TRPC4: variants seen among roughly 807,000 people sequenced by gnomAD.
TRPC4 encodes transient receptor potential cation channel subfamily C member 4.
TRPC4 carries 49 observed loss-of-function variants against 99.4 expected under a neutral mutation model. That is an observed-to-expected ratio of 0.49 (90% confidence interval 0.39 to 0.63). The LOEUF (loss-of-function observed/expected upper bound fraction) is 0.63, where lower values mean the gene tolerates loss of function less well. Ranked by LOEUF, TRPC4 falls within the 20% of genes least tolerant of loss-of-function variation. The pLI, the probability that TRPC4 is intolerant of heterozygous loss-of-function variation, is 0.00. For missense variants in TRPC4, 898 were observed against 1,152.9 expected, an observed-to-expected ratio of 0.78 and a Z score of 3.20; for synonymous variants, 454 against 425.9, an observed-to-expected ratio of 1.07 and a Z score of -0.81.
At chr13:37,792,723 TTGTGTGTGTGTGTG>T (rs57918365) in intron 1 of TRPC4, among the ~76,000 whole-genome samples, 8 of 146,636 alleles carry the variant, frequency 5.5e-5, no homozygotes, top group East Asian at 2.0e-4. Context: ...GCTTCTAAAT[TTGTGTGTGTGTGTG>T]TGTGTGTGTG....
chr13:37,737,293 G>T (rs1164236838), intron 3 of TRPC4, among the ~76,000 whole-genome samples: 1 of 151,586 alleles, frequency 6.6e-6, no homozygotes, highest in African/African-American at 2.4e-5. Flanking sequence ...GAGCAAATAT[G>T]CCAGGAAATA....
At chr13:37,706,448 T>C (rs1954280668) in intron 3 of TRPC4, among the ~76,000 whole-genome samples, 1 of 152,108 alleles carries the variant, frequency 6.6e-6, no homozygotes, top group Non-Finnish European at 1.5e-5. Flanking sequence ...GCTGCCTCAG[T>C]CCAGGTTAGA....
chr13:37,822,321 A>G (rs1042163715), intron 1 of TRPC4, among the ~76,000 whole-genome samples: 1 of 151,992 alleles, frequency 6.6e-6, no homozygotes, highest in Admixed American at 6.6e-5. Flanking sequence ...CATGTGCACA[A>G]TGTGCAGGTT....
intron 3 of TRPC4, among the ~76,000 whole-genome samples, chr13:37,720,766 T>C (rs768829343): frequency 6.6e-5 from 10 of 152,090 alleles, no homozygotes; most frequent in Non-Finnish European, 1.5e-5. Flanking sequence ...TTAACAGGAG[T>C]TTCACTTGGG....
At chr13:37,796,335 T>C (rs1290099228) in intron 1 of TRPC4, among the ~76,000 whole-genome samples, 1 of 152,192 alleles carries the variant, frequency 6.6e-6, no homozygotes, top group East Asian at 1.9e-4. Flanking sequence ...ATTATTAGTG[T>C]CCCATGCAAT....
intron 1 of TRPC4, among the ~76,000 whole-genome samples, chr13:37,787,094 T>C (rs902679857): frequency 2.0e-5 from 3 of 151,980 alleles, no homozygotes; most frequent in Non-Finnish European, 4.4e-5. Context: ...TTTAGTTATA[T>C]AGTGGAAAGA....
rs1447298351 is a variant in TRPC4, at chr13:37,635,713, G to A, written c.*1190C>T. Among the ~76,000 whole-genome samples the A allele has an allele frequency of 2.0e-5, 3 of 152,040 alleles. No individual in the cohort carries two copies. The highest frequency in any genetic ancestry group is 4.8e-5 in the African/African-American group (2 of 41,416). ...TTTAAGTTTCTAGTATCAATTTTAT[G>A]TAAGTTGCGAACACTTTCCTTGTAA... is the stretch of plus-strand genomic sequence containing the variant. On this transcript the variant is annotated 3_prime_UTR_variant, in exon 11 of 11. Transcript: ENST00000379705.
intron 1 of TRPC4, among the ~76,000 whole-genome samples, chr13:37,815,989 C>T (rs571995718): frequency 1.3e-5 from 2 of 151,824 alleles, no homozygotes; most frequent in Admixed American, 6.6e-5. Flanking sequence ...AGTTAAACAA[C>T]CTACTCAAGA....
Position 37,651,372 on chromosome 13 carries a change from T to C in TRPC4, c.1972A>G (p.Asn658Asp). Residue 658 changes from asparagine (N) to aspartate (D), a missense_variant, in exon 8 of 11, where the codon AAT becomes GAT. Physicochemically the swap from Asn to Asp is conservative, Grantham distance 23. Coordinates refer to ENST00000379705, the MANE Select transcript of TRPC4 (RefSeq NM_016179.4). ...AGAGACTTGGGGCTCGGGATGACAT[T>C]GAAGGGAGTAGGCAGAGTACCTCCT... Reference protein sequence around the residue: ...EEGGTLPTPFNVIPSPKSLWY... With the variant: ...EEGGTLPTPFDVIPSPKSLWY... 1 of 1,614,130 alleles carries C rather than the reference T, an allele frequency of 6.2e-7. No homozygotes were observed.
intron 1 of TRPC4, among the ~76,000 whole-genome samples, chr13:37,836,125 G>A (rs1453128118): frequency 6.6e-6 from 1 of 152,132 alleles, no homozygotes; most frequent in African/African-American, 2.4e-5. Context: ...CATGTAAGAT[G>A]TGACTTCCTC....
Position 37,696,933 on chromosome 13 carries a change from T to A in TRPC4, c.898-4598A>T, listed in dbSNP as rs945443309. 6.1e-5 allele frequency among the ~76,000 whole-genome samples: 9 copies of A among 148,730 alleles called. No individual in the cohort carries two copies. The South Asian group carries it at 6.4e-4, about 11-fold the overall frequency. ...TGAAACATCTTTTTTTTTTTTTTTTTAAATCTTTTATTTCATCTCCTACAT... is the reference window on the plus strand; with the variant it reads ...TGAAACATCTTTTTTTTTTTTTTTTAAAATCTTTTATTTCATCTCCTACAT... On this transcript the variant is annotated intron_variant, in intron 3 of 10. Transcript: ENST00000379705.
At chr13:37,823,013 G>T (rs1281940251) in intron 1 of TRPC4, among the ~76,000 whole-genome samples, 1 of 149,006 alleles carries the variant, frequency 6.7e-6, no homozygotes, top group Non-Finnish European at 1.5e-5. Context: ...GCATTTCTCT[G>T]ATGGCCAGTG....
At chr13:37,668,353 T>C (rs1055398138) in intron 5 of TRPC4, among the ~76,000 whole-genome samples, 5 of 152,174 alleles carry the variant, frequency 3.3e-5, no homozygotes, top group African/African-American at 1.2e-4. Context: ...TGCAGGGAGC[T>C]TTGTCTAAGG....
chr13:37,824,446 C>G (rs1314948001), intron 1 of TRPC4, among the ~76,000 whole-genome samples: 1 of 152,018 alleles, frequency 6.6e-6, no homozygotes, highest in African/African-American at 2.4e-5. Flanking sequence ...AAATACTTCC[C>G]ATCAATACCT....
chr13:37,641,004 A>G (rs1379666219), intron 8 of TRPC4, among the ~76,000 whole-genome samples: 2 of 152,206 alleles, frequency 1.3e-5, no homozygotes, highest in Non-Finnish European at 2.9e-5. Flanking sequence ...AACAGAGAGC[A>G]ATTAGAAGTC....
At chr13:37,765,431 A>G (rs2139262407) in intron 2 of TRPC4, among the ~76,000 whole-genome samples, 1 of 151,604 alleles carries the variant, frequency 6.6e-6, no homozygotes, top group Admixed American at 6.6e-5. Context: ...AATTGATTAC[A>G]GTGTGATCTC....
At chr13:37,756,532 T>G (rs1956100552) in intron 2 of TRPC4, among the ~76,000 whole-genome samples, 1 of 132,376 alleles carries the variant, frequency 7.6e-6, no homozygotes, top group South Asian at 2.6e-4. Context: ...AGCTTTTTTT[T>G]TTCTTTTTTT....
intron 2 of TRPC4, among the ~76,000 whole-genome samples, chr13:37,780,992 G>T (rs1229941755): frequency 1.3e-5 from 2 of 151,956 alleles, no homozygotes; most frequent in African/African-American, 4.8e-5. Context: ...AACCTTGACT[G>T]CCTTTTATTA....
chr13:37,726,025 T>C (rs1593596996), intron 3 of TRPC4, among the ~76,000 whole-genome samples: 1 of 151,852 alleles, frequency 6.6e-6, no homozygotes, highest in African/African-American at 2.4e-5. Context: ...GTGAAACCCC[T>C]TCTCTACTAA....
Sources: gnomAD v4.1 joint callset for allele counts (sites outside exome capture counted in the v4.1 genomes callset) on GRCh38, gnomAD v4.1.1 for gene constraint, MANE v1.5 for transcripts, NCBI Gene and HGNC (gene_info 2026-07-23, HGNC 2026-07-21) for gene names.